Variants in DOCK9 observed in about 807,000 individuals in gnomAD.
The protein encoded by DOCK9 is dedicator of cytokinesis protein 9.
Under a neutral mutation model 263.3 loss-of-function variants are expected in DOCK9, and 89 were observed. That is an observed-to-expected ratio of 0.34 (90% CI 0.28 to 0.40). The LOEUF (loss-of-function observed/expected upper bound fraction) is 0.40, where lower values mean the gene tolerates loss of function less well. DOCK9 is among the 10% of genes least tolerant of loss of function. DOCK9 has a pLI of 1.00. For synonymous variants in DOCK9, 976 were observed against 973.1 expected (o/e 1.00, Z -0.06); for missense variants, 2,140 against 2,603.4 (o/e 0.82, Z 3.87).
chr13:98,850,193 GAAC>G, intron 35 of DOCK9, 80 bp from the exon 36 acceptor site: 1 of 1,059,344 alleles, frequency 9.4e-7, no homozygotes, highest in Non-Finnish European at 1.3e-6. Flanking sequence ...AAATGGGAAG[GAAC>G]CTTGGAGTGT....
At position 98,863,384 on chromosome 13, in the gene DOCK9, T is replaced by C; in HGVS notation, c.3451A>G (p.Arg1151Gly). The change falls in exon 31 of 53, where the codon AGA (arginine) becomes GGA (glycine). Residue 1151 changes from arginine (R) to glycine (G), a missense_variant. By Grantham distance (125) the Arg-to-Gly change is moderately radical. Around this residue, in one of 2 missense-constraint regions of DOCK9, gnomAD observed 1,521 missense variants for 1,741.7 expected, o/e 0.87. Coordinates refer to ENST00000682017, the MANE Select transcript of DOCK9 (RefSeq NM_001366683.2). ...GGACCACTCACCCTTGAAGCATATC[T>C]GTCATCAAAAGAATGCTTTATCAGC... ...NLLIKHSFDD[R>G]YASRSHQARI... 1.9e-6 allele frequency: 3 copies of C among 1,613,806 alleles called. No homozygotes were observed. The highest frequency in any genetic ancestry group is 2.5e-6 in the Non-Finnish European group (3 of 1,179,806).
In DOCK9 at chr13:98,894,957, CA is replaced by C. The variant is rs71114557; in HGVS notation, c.1709+2530del. Among the ~76,000 whole-genome samples the C allele has an allele frequency of 4.1e-3, 304 of 73,362 alleles. 1 individual carries two copies. Among genetic ancestry groups the C allele is most frequent in the African/African-American group, 0.014 (266 of 19,692 alleles). 48.1% of individuals were successfully genotyped at this position (73,362 alleles called of 152,430 possible). ...GATATTTAGTATCTCTACTAAAATA[CA>C]AAAAAAAAAAAAAAAAAAAAAAAAA... On this transcript the variant is annotated intron_variant, in intron 15 of 52. Transcript: ENST00000682017.
At chr13:99,036,771 C>T (rs1048839817) in intron 1 of DOCK9, among the ~76,000 whole-genome samples, 8 of 152,136 alleles carry the variant, frequency 5.3e-5, no homozygotes, top group African/African-American at 1.9e-4. Flanking sequence ...ATCTTCTGAC[C>T]TCGTGATCCG....
chr13:99,062,590 G>T (rs754793399), intron 1 of DOCK9, among the ~76,000 whole-genome samples: 3 of 152,154 alleles, frequency 2.0e-5, no homozygotes, highest in Non-Finnish European at 4.4e-5. Context: ...AAGAATGAGG[G>T]GCACTTGTCT....
intron 45 of DOCK9, among the ~76,000 whole-genome samples, chr13:98,811,337 G>T (rs1312583275): frequency 6.6e-6 from 1 of 151,440 alleles, no homozygotes; most frequent in Admixed American, 6.6e-5. Flanking sequence ...ATTGAATTTT[G>T]AGAGTTCTTT....
intron 19 of DOCK9, 141 bp downstream of exon 19, chr13:98,886,391 G>T: frequency 1.8e-6 from 1 of 555,316 alleles, no homozygotes; most frequent in South Asian, 3.4e-5. Context: ...ATATATAAAA[G>T]AAATACTTCA....
chr13:98,848,557 A>G, intron 37 of DOCK9, 35 bp downstream of exon 37: 5 of 1,600,440 alleles, frequency 3.1e-6, no homozygotes, highest in Non-Finnish European at 4.3e-6. Flanking sequence ...CATCACAGAA[A>G]ACAACACGTT....
intron 14 of DOCK9, 96 bp from the exon 15 acceptor site, chr13:98,897,706 T>C: frequency 6.7e-7 from 1 of 1,492,102 alleles, no homozygotes; most frequent in Non-Finnish European, 9.1e-7. Flanking sequence ...CTAATTATTA[T>C]TCCATTGGCT....
intron 30 of DOCK9, 39 bp from the exon 31 acceptor site, chr13:98,863,587 G>C (rs1419486686): frequency 6.5e-7 from 1 of 1,547,678 alleles, no homozygotes; most frequent in Admixed American, 1.9e-5. Context: ...TAGGAAAGAT[G>C]CAATGCTCTT....
chr13:98,941,483 C>G (rs112869873), intron 2 of DOCK9, among the ~76,000 whole-genome samples: 2 of 152,120 alleles, frequency 1.3e-5, no homozygotes, highest in Non-Finnish European at 2.9e-5. Flanking sequence ...GAAGAGCACA[C>G]GATTGTTTAT....
In DOCK9 at chr13:98,863,512, C is replaced by T; in HGVS notation, c.3323G>A (p.Cys1108Tyr). The change falls in exon 31 of 53, where the codon TGC becomes TAC. Residue 1108 changes from cysteine (C) to tyrosine (Y), a missense_variant. Cys to Tyr is a radical substitution (Grantham distance 194). This residue lies in a region of DOCK9 where 1,521 missense variants were observed against 1,741.7 expected (regional missense o/e 0.87). Transcript: ENST00000682017. Reference sequence around the variant, plus strand: ...CAGTCCCACCAAGAAGTGGTTTCTGCAGAACTCATCTGTTAATGAGTAGTC... The same window carrying T: ...CAGTCCCACCAAGAAGTGGTTTCTGTAGAACTCATCTGTTAATGAGTAGTC... ...QLDYSLTDEF[C>Y]RNHFLVGLLL... 1 of 1,613,528 alleles carries T rather than the reference C, an allele frequency of 6.2e-7. No individual in the cohort carries two copies. Among genetic ancestry groups the T allele is most frequent in the Non-Finnish European group, 8.5e-7 (1 of 1,179,702 alleles).
chr13:99,025,291 G>A (rs1331882295), intron 1 of DOCK9: 2 of 152,052 alleles, frequency 1.3e-5, no homozygotes, highest in Non-Finnish European at 2.9e-5. Context: ...AGAGAAGACT[G>A]GCATGGTCCC....
chr13:99,002,105 AT>A (rs1460703394), intron 1 of DOCK9, among the ~76,000 whole-genome samples: 1 of 152,206 alleles, frequency 6.6e-6, no homozygotes, highest in Non-Finnish European at 1.5e-5. Context: ...ATTCACTTCC[AT>A]TGTGCATCAG....
chr13:98,893,094 T>C (rs1031120346), intron 15 of DOCK9, among the ~76,000 whole-genome samples: 4 of 152,096 alleles, frequency 2.6e-5, no homozygotes, highest in Admixed American at 2.6e-4. Context: ...GGGACACAAT[T>C]TGGGCAGAGA....
chr13:98,938,758 G>C (rs1288537970), intron 2 of DOCK9, among the ~76,000 whole-genome samples: 1 of 152,070 alleles, frequency 6.6e-6, no homozygotes, highest in Non-Finnish European at 1.5e-5. Context: ...TGACAAAACA[G>C]CCCTCTTAAT....
At chr13:98,831,086 T>G (rs575413542) in intron 41 of DOCK9, among the ~76,000 whole-genome samples, 5 of 152,362 alleles carry the variant, frequency 3.3e-5, no homozygotes, top group African/African-American at 1.2e-4. Context: ...GTTCTAACAC[T>G]TCTTGATTCA....
In DOCK9 at chr13:98,885,586, G is replaced by A. The variant is rs138051855; in HGVS notation, c.2260+122C>T. ...TGCAACCCAGACATGCTACATATCC[G>A]TTACCTATAAAATTCATTTAAAGAT... On this transcript the variant is annotated intron_variant, in intron 20 of 52. Coordinates refer to ENST00000682017, the MANE Select transcript of DOCK9 (RefSeq NM_001366683.2). 8.5e-3 allele frequency: 9,123 copies of A among 1,076,286 alleles called. 54 individuals are homozygous for A. The highest frequency in any genetic ancestry group is 0.01 in the Non-Finnish European group (7,876 of 775,734). The allele number at this position is 1,076,286 out of a possible 1,614,324, so 66.7% of individuals were successfully genotyped here.
chr13:99,033,171 G>T (rs2142075727), intron 1 of DOCK9, among the ~76,000 whole-genome samples: 1 of 152,316 alleles, frequency 6.6e-6, no homozygotes, highest in South Asian at 2.1e-4. Flanking sequence ...AAAGCATTTT[G>T]ATAACATGTC....
intron 1 of DOCK9, among the ~76,000 whole-genome samples, chr13:98,964,245 G>A (rs1299655149): frequency 3.3e-5 from 5 of 152,228 alleles, no homozygotes; most frequent in African/African-American, 1.2e-4. Context: ...TGCCCAGCTA[G>A]ATTATAAGCT....
Sources: allele counts gnomAD v4.1 joint callset (sites outside exome capture counted in the v4.1 genomes callset), GRCh38; gene constraint gnomAD v4.1.1; regional missense constraint gnomAD v4.1.1; transcripts MANE v1.5; gene names NCBI Gene and HGNC (gene_info 2026-07-23, HGNC 2026-07-21).